Variants in DLG2 observed in about 807,000 individuals in gnomAD.
The protein encoded by DLG2 is disks large homolog 2.
Under a neutral mutation model 132.5 loss-of-function variants are expected in DLG2, and 45 were observed. The ratio of observed to expected loss-of-function variants is 0.34; its 90% confidence interval spans 0.27 to 0.44. DLG2 has a LOEUF of 0.44. Among genes scored for constraint, DLG2 ranks in the 20% least tolerant of loss-of-function variants. DLG2 has a pLI of 1.00. For missense variants in DLG2, 1,045 were observed against 1,196.9 expected, an observed-to-expected ratio of 0.87 and a Z score of 1.87; for synonymous variants, 424 against 419.6, an observed-to-expected ratio of 1.01 and a Z score of -0.13.
At chr11:83,767,554 G>A in intron 18 of DLG2, among the ~76,000 whole-genome samples, 1 of 152,308 alleles carries the variant, frequency 6.6e-6, no homozygotes. Context: ...AGCCAGACCA[G>A]AATTTTAATC....
chr11:83,476,933 A>C (rs2092668307), intron 22 of DLG2, among the ~76,000 whole-genome samples: 1 of 152,128 alleles, frequency 6.6e-6, no homozygotes, highest in African/African-American at 2.4e-5. Context: ...ATCTAAGGGC[A>C]ATAGTTGAGA....
intron 11 of DLG2, among the ~76,000 whole-genome samples, chr11:84,026,575 G>A (rs17146592): frequency 0.05 from 7,596 of 150,478 alleles, 253 homozygotes; most frequent in Middle Eastern, 0.093. Flanking sequence ...GACACATAAT[G>A]TTCTGTTTAA....
intron 18 of DLG2, among the ~76,000 whole-genome samples, chr11:83,679,375 G>T (rs1350783312): frequency 6.6e-6 from 1 of 152,040 alleles, no homozygotes; most frequent in Non-Finnish European, 1.5e-5. Flanking sequence ...TTGTTATTTG[G>T]CAAATAACGT....
Position 84,783,197 on chromosome 11 carries a change from G to A in DLG2, c.358-248466C>T, listed in dbSNP as rs190495889. ...TACTAAGAGGAAGCTTTCATAGGAG[G>A]AAAAATGATGTGATTTGAAGTCGTT... On this transcript the variant is annotated intron_variant, in intron 6 of 27. Coordinates refer to ENST00000376104, the MANE Select transcript of DLG2 (RefSeq NM_001142699.3). Among the ~76,000 whole-genome samples, 210 of 152,240 alleles carry A rather than the reference G, an allele frequency of 1.4e-3. 1 individual carries two copies. The highest frequency in any genetic ancestry group is 4.9e-3 in the African/African-American group (202 of 41,544).
In DLG2 at chr11:83,480,301, A is replaced by G. The variant is rs572593744; in HGVS notation, c.2293+3828T>C. 6.5e-6 allele frequency: 8 copies of G among 1,222,564 alleles called. No homozygotes were observed. The African/African-American group carries it at 1.2e-4, about 18-fold the overall frequency. 75.7% of individuals were successfully genotyped at this position (1,222,564 alleles called of 1,614,324 possible). On this transcript the variant is annotated intron_variant, in intron 22 of 27. Coordinates refer to ENST00000376104, the MANE Select transcript of DLG2 (RefSeq NM_001142699.3). ...TAGCAATTGAAAAACAACAACAGAA[A>G]TCTGAAATGACCACCACAGGCAATG...
intron 8 of DLG2, among the ~76,000 whole-genome samples, chr11:84,172,234 G>A (rs1180895956): frequency 1.3e-5 from 2 of 151,958 alleles, no homozygotes; most frequent in African/African-American, 4.8e-5. Flanking sequence ...TAATAAGACT[G>A]GTTTAAAATA....
At chr11:84,438,604 C>T (rs1394233243) in intron 7 of DLG2, among the ~76,000 whole-genome samples, 1 of 152,136 alleles carries the variant, frequency 6.6e-6, no homozygotes, top group East Asian at 1.9e-4. Context: ...AGAATTTTCA[C>T]ATTTGATTCT....
intron 6 of DLG2, among the ~76,000 whole-genome samples, chr11:85,068,101 G>A (rs544067062): frequency 9.2e-5 from 14 of 151,968 alleles, no homozygotes; most frequent in South Asian, 6.2e-4. Flanking sequence ...AAATTCAACA[G>A]CCCTTCATTC....
chr11:85,261,811 G>T (rs1355130618), intron 4 of DLG2, among the ~76,000 whole-genome samples: 1 of 152,124 alleles, frequency 6.6e-6, no homozygotes, highest in Non-Finnish European at 1.5e-5. Flanking sequence ...GAGGAGAAGG[G>T]TCCCTGATAA....
chr11:84,902,064 C>T (rs927006141), intron 6 of DLG2, among the ~76,000 whole-genome samples: 3 of 152,070 alleles, frequency 2.0e-5, no homozygotes, highest in Admixed American at 6.6e-5. Context: ...AAACTATGTA[C>T]AAATGTTAAG....
At chr11:84,983,029 C>T (rs913370784) in intron 6 of DLG2, among the ~76,000 whole-genome samples, 2 of 152,152 alleles carry the variant, frequency 1.3e-5, no homozygotes, top group Admixed American at 1.3e-4. Context: ...AGGATGTCCA[C>T]CCTCATCCTT....
chr11:85,542,128 C>G (rs746156543), intron 3 of DLG2, among the ~76,000 whole-genome samples: 1 of 152,164 alleles, frequency 6.6e-6, no homozygotes, highest in African/African-American at 2.4e-5. Flanking sequence ...CTTTACAAAG[C>G]AGTAGCACTT....
At chr11:84,506,076 G>GTTTTTTTTTTTTTTTT (rs559086542) in intron 7 of DLG2, among the ~76,000 whole-genome samples, 6 of 91,412 alleles carry the variant, frequency 6.6e-5, no homozygotes, top group African/African-American at 2.7e-4. Flanking sequence ...CAGAGGCTCA[G>GTTTTTTTTTTTTTTTT]TTCTTTTTTT....
intron 6 of DLG2, among the ~76,000 whole-genome samples, chr11:84,760,355 G>A (rs2067444541): frequency 2.6e-5 from 4 of 152,194 alleles, no homozygotes; most frequent in Admixed American, 2.6e-4. Context: ...CCCTTTCAGA[G>A]ATCCATTCAA....
intron 13 of DLG2, 56 bp downstream of exon 13, chr11:83,965,268 T>G (rs1329890097): frequency 6.5e-7 from 1 of 1,538,560 alleles, no homozygotes; most frequent in Non-Finnish European, 8.8e-7. Flanking sequence ...AACAGTTTTA[T>G]AGAATTCCAG....
intron 7 of DLG2, among the ~76,000 whole-genome samples, chr11:84,399,168 C>A (rs566664780): frequency 2.0e-5 from 3 of 152,210 alleles, no homozygotes; most frequent in African/African-American, 7.2e-5. Context: ...AAAATAGGGA[C>A]TGAAAATGCC....
rs149935691 is a variant in DLG2, at chr11:84,382,657, T to G, written c.520-131366A>C. Reference sequence around the variant, plus strand: ...ATTTGTCCTTAAATACCAATTTGGCTTTCTATAAGGAATTTAGCACATTTA... The same window carrying G: ...ATTTGTCCTTAAATACCAATTTGGCGTTCTATAAGGAATTTAGCACATTTA... On this transcript the variant is annotated intron_variant, in intron 7 of 27. Transcript: ENST00000376104. Among the ~76,000 whole-genome samples, 783 of 152,258 alleles carry G rather than the reference T, an allele frequency of 5.1e-3. 12 individuals are homozygous for G. Among genetic ancestry groups the G allele is most frequent in the African/African-American group, 0.018 (758 of 41,554 alleles).
intron 9 of DLG2, among the ~76,000 whole-genome samples, chr11:84,159,457 T>A (rs2095498935): frequency 6.6e-6 from 1 of 152,138 alleles, no homozygotes; most frequent in Admixed American, 6.5e-5. Flanking sequence ...TAACGGACAA[T>A]TTTTCCAGGC....
At chr11:83,541,533 C>T in intron 20 of DLG2, 149 bp downstream of exon 20, 2 of 717,140 alleles carry the variant, frequency 2.8e-6, no homozygotes, top group Non-Finnish European at 4.3e-6. Context: ...ATTCATGTCA[C>T]CTGTCACCAC....
Sources: allele counts gnomAD v4.1 joint callset (sites outside exome capture counted in the v4.1 genomes callset), GRCh38; gene constraint gnomAD v4.1.1; transcripts MANE v1.5; gene names NCBI Gene and HGNC (gene_info 2026-07-23, HGNC 2026-07-21).